The following ANK3 variants were observed in gnomAD, a reference collection of about 807,000 sequenced individuals.
The protein encoded by ANK3 is ankyrin 3.
ANK3 carries 57 observed loss-of-function variants against 370.9 expected under a neutral mutation model. That is an observed-to-expected ratio of 0.15 (90% confidence interval 0.12 to 0.19). ANK3 has a LOEUF of 0.19. Ranked by LOEUF, ANK3 falls within the 10% of genes least tolerant of loss-of-function variation. The pLI is 1.00. For missense variants in ANK3, 4,439 were observed against 5,302.1 expected (o/e 0.84, Z 5.06); for synonymous variants, 1,929 against 1,946.3 (o/e 0.99, Z 0.23).
At chr10:60,358,470 C>T (rs2058122748) in intron 1 of ANK3, among the ~76,000 whole-genome samples, 1 of 152,168 alleles carries the variant, frequency 6.6e-6, no homozygotes. Context: ...TTCTCAGCCT[C>T]TCATTTGGTT....
At chr10:60,332,101 C>CA (rs1180284209) in intron 1 of ANK3, among the ~76,000 whole-genome samples, 2 of 151,778 alleles carry the variant, frequency 1.3e-5, no homozygotes, top group Non-Finnish European at 2.9e-5. Flanking sequence ...CTAACCTCAG[C>CA]AAAAAAGGAC....
intron 2 of ANK3, among the ~76,000 whole-genome samples, chr10:60,502,950 TAAA>T (rs1278335169): frequency 4.9e-5 from 7 of 143,700 alleles, no homozygotes; most frequent in Admixed American, 7.0e-5. Flanking sequence ...AGGAAGGAAG[TAAA>T]GAAGGAAGGA....
chr10:60,286,866 G>C (rs565161764), intron 1 of ANK3, among the ~76,000 whole-genome samples: 64 of 152,252 alleles, frequency 4.2e-4, no homozygotes, highest in African/African-American at 1.5e-3. Flanking sequence ...ATAAATGCTT[G>C]GCTTGAGGTT....
At chr10:60,517,430 G>A (rs529984604) in intron 2 of ANK3, among the ~76,000 whole-genome samples, 1 of 152,014 alleles carries the variant, frequency 6.6e-6, no homozygotes, top group South Asian at 2.1e-4. Context: ...CCCATCTATG[G>A]CCATACCATC....
intron 23 of ANK3, among the ~76,000 whole-genome samples, chr10:60,141,561 GTT>G (rs36033791): frequency 5.8e-3 from 283 of 48,956 alleles, no homozygotes; most frequent in African/African-American, 0.025. Flanking sequence ...TTCAATTGCT[GTT>G]TTTTTTTTTT....
rs978476516 is a variant in ANK3 at position 60,322,843 on chromosome 10, G to A, written c.115-43204C>T. Reference sequence around the variant, plus strand: ...GTTGAATTTGGGGTATATTTTAAAGGCAGATCTGCTGACTAATTGAGTATG... The same window carrying A: ...GTTGAATTTGGGGTATATTTTAAAGACAGATCTGCTGACTAATTGAGTATG... On this transcript the variant is annotated intron_variant, in intron 1 of 43. Coordinates refer to ENST00000280772, the MANE Select transcript of ANK3 (RefSeq NM_020987.5). Among the ~76,000 whole-genome samples the A allele has an allele frequency of 7.2e-5, 11 of 152,122 alleles. 1 individual carries two copies. Among genetic ancestry groups the A allele is most frequent in the African/African-American group, 2.7e-4 (11 of 41,410 alleles).
intron 18 of ANK3, among the ~76,000 whole-genome samples, chr10:60,177,139 C>T (rs907985213): frequency 5.3e-5 from 8 of 152,078 alleles, no homozygotes; most frequent in East Asian, 1.9e-4. Context: ...ATTTGACAGC[C>T]CTATCATATT....
chr10:60,224,915 T>C (rs1379928894), intron 8 of ANK3, among the ~76,000 whole-genome samples: 2 of 140,130 alleles, frequency 1.4e-5, no homozygotes, highest in Admixed American at 1.4e-4. Context: ...TTTTCTTTCT[T>C]TTTTTTTTCT....
chr10:60,393,374 C>T (rs1032693020), upstream of ANK3, among the ~76,000 whole-genome samples: 2 of 152,082 alleles, frequency 1.3e-5, no homozygotes, highest in East Asian at 1.9e-4. Context: ...AAAAATTGTC[C>T]GAAATAATTT....
At chr10:60,588,885 G>A (rs1434542397) in intron 2 of ANK3, among the ~76,000 whole-genome samples, 1 of 152,134 alleles carries the variant, frequency 6.6e-6, no homozygotes, top group East Asian at 1.9e-4. Flanking sequence ...ACTCCAGCCT[G>A]GAAGGCAGAG....
chr10:60,119,710 C>T (rs996934118), intron 25 of ANK3, among the ~76,000 whole-genome samples: 3 of 152,076 alleles, frequency 2.0e-5, no homozygotes, highest in East Asian at 1.9e-4. Flanking sequence ...GTACAGAAGT[C>T]GCAGTGAGCC....
intron 1 of ANK3, among the ~76,000 whole-genome samples, chr10:60,378,297 C>T (rs971396358): frequency 6.6e-6 from 1 of 152,128 alleles, no homozygotes; most frequent in Non-Finnish European, 1.5e-5. Context: ...AAAAATTAGT[C>T]TGTTTTAAAG....
intron 24 of ANK3, among the ~76,000 whole-genome samples, chr10:60,135,483 T>C (rs755193124): frequency 9.9e-5 from 15 of 152,268 alleles, no homozygotes; most frequent in Non-Finnish European, 1.8e-4. Context: ...ATAACTAGCA[T>C]TGTAGACATC....
chr10:60,272,572 C>T (rs1259986043), intron 4 of ANK3, among the ~76,000 whole-genome samples: 1 of 152,024 alleles, frequency 6.6e-6, no homozygotes, highest in Non-Finnish European at 1.5e-5. Flanking sequence ...CTCCACCTAA[C>T]AGGTCCAAGA....
chr10:60,159,936 T>G lies in ANK3; in HGVS notation c.2614+6655A>C, dbSNP rs1010759132. ...AGCAAAAGTAGTACTAAAAGAGCAGTTAATAGCAATAAATGCCTACATCAA... is the reference window on the plus strand; with the variant it reads ...AGCAAAAGTAGTACTAAAAGAGCAGGTAATAGCAATAAATGCCTACATCAA... On this transcript the variant is annotated intron_variant, in intron 23 of 43. Coordinates refer to ENST00000280772, the MANE Select transcript of ANK3 (RefSeq NM_020987.5). Among the ~76,000 whole-genome samples, 10 of 152,088 alleles carry G rather than the reference T, an allele frequency of 6.6e-5. No individual in the cohort carries two copies. The South Asian group carries it at 2.1e-3, about 32-fold the overall frequency.
At chr10:60,158,967 T>G (rs970649104) in intron 23 of ANK3, among the ~76,000 whole-genome samples, 1 of 151,846 alleles carries the variant, frequency 6.6e-6, no homozygotes, top group African/African-American at 2.4e-5. Context: ...TGAGCCACCG[T>G]GCCCAGCCAA....
chr10:60,403,690 C>A (rs970696494), intron 2 of ANK3, among the ~76,000 whole-genome samples: 1 of 152,160 alleles, frequency 6.6e-6, no homozygotes, highest in Non-Finnish European at 1.5e-5. Context: ...CGGGTTCACA[C>A]CATTCTCCTG....
chr10:60,041,313 A>C (rs1199740895), intron 43 of ANK3, among the ~76,000 whole-genome samples: 1 of 152,194 alleles, frequency 6.6e-6, no homozygotes, highest in African/African-American at 2.4e-5. Flanking sequence ...TACAGGGATG[A>C]CTGACTGCTA....
intron 1 of ANK3, among the ~76,000 whole-genome samples, chr10:60,630,764 C>T (rs1032369751): frequency 6.6e-6 from 1 of 152,132 alleles, no homozygotes; most frequent in African/African-American, 2.4e-5. Flanking sequence ...GGGTAAAGAG[C>T]ATAGAACACG....
Sources: gnomAD v4.1 joint callset for allele counts (sites outside exome capture counted in the v4.1 genomes callset) on GRCh38, gnomAD v4.1.1 for gene constraint, MANE v1.5 for transcripts, NCBI Gene and HGNC (gene_info 2026-07-23, HGNC 2026-07-21) for gene names.